CUL2: variants seen among roughly 807,000 people sequenced by gnomAD.
CUL2 encodes cullin 2, also known as cullin-2.
Under a neutral mutation model 110.2 loss-of-function variants are expected in CUL2, and 22 were observed. The ratio of observed to expected loss-of-function variants is 0.20; its 90% CI spans 0.14 to 0.28. The LOEUF (loss-of-function observed/expected upper bound fraction) is 0.28. CUL2 is among the 10% of genes least tolerant of loss of function. CUL2 has a pLI of 1.00. For synonymous variants in CUL2, 279 were observed against 293.2 expected (o/e 0.95, Z 0.49); for missense variants, 631 against 905.5 (o/e 0.70, Z 3.89).
intron 6 of CUL2, among the ~76,000 whole-genome samples, chr10:35,048,217 T>TATAC (rs1554859289): frequency 3.3e-5 from 5 of 151,698 alleles, no homozygotes; most frequent in African/African-American, 4.8e-5. Context: ...CATGCAAAAC[T>TATAC]CTAAGAGAGC....
chr10:35,116,872 G>A (rs2087611334), intron 1 of CUL2, among the ~76,000 whole-genome samples: 1 of 151,596 alleles, frequency 6.6e-6, no homozygotes, highest in Admixed American at 6.6e-5. Context: ...TGGGAGAATC[G>A]CTTAAACCTG....
chr10:35,064,790 GCCTCGGCCT>G (rs1239388949), intron 2 of CUL2, among the ~76,000 whole-genome samples: 1 of 152,000 alleles, frequency 6.6e-6, no homozygotes, highest in African/African-American at 2.4e-5. Context: ...CAATCCTTCT[GCCTCGGCCT>G]CCCAAAGTGC....
Position 35,032,514 on chromosome 10 carries a change from A to G in CUL2, c.1111-20T>C. 2 of 1,570,810 alleles carry G rather than the reference A, an allele frequency of 1.3e-6. No homozygotes were observed. Among genetic ancestry groups the G allele is most frequent in the Middle Eastern group, 1.7e-4 (1 of 5,954 alleles). On this transcript the variant is annotated intron_variant, in intron 11 of 20. Coordinates refer to ENST00000374749, the MANE Select transcript of CUL2 (RefSeq NM_003591.4). ...AAGGGCCTGAATAAAAAAACACGCC[A>G]TAATTAACCACCAGCCATAGGGAAA...
chr10:35,050,685 T>C lies in CUL2; in HGVS notation c.424-920A>G, dbSNP rs375165477. Among the ~76,000 whole-genome samples, 28 of 152,346 alleles carry C rather than the reference T, an allele frequency of 1.8e-4. No individual in the cohort carries two copies. The East Asian group carries it at 5.4e-3, about 29-fold the overall frequency. ...CAATCATTGGCACTGCTATACAGCA[T>C]CCTGTTGCATAAATATGCCATGATT... On this transcript the variant is annotated intron_variant, in intron 5 of 20. Transcript: ENST00000374749.
chr10:35,050,725 A>G (rs566746762), intron 5 of CUL2, among the ~76,000 whole-genome samples: 1 of 152,298 alleles, frequency 6.6e-6, no homozygotes, highest in African/African-American at 2.4e-5. Flanking sequence ...TTTCCACTCT[A>G]CTGCTGATGA....
intron 17 of CUL2, among the ~76,000 whole-genome samples, chr10:35,016,914 G>A (rs1257622467): frequency 4.4e-5 from 6 of 135,838 alleles, no homozygotes; most frequent in South Asian, 2.4e-4. Context: ...GTGACAGAGC[G>A]AGACTCTGTC....
At position 35,027,027 on chromosome 10, in the gene CUL2, A is replaced by C. The variant is rs201639792; in HGVS notation, c.1617+1783T>G. Among the ~76,000 whole-genome samples the C allele has an allele frequency of 5.9e-5, 9 of 152,176 alleles. No individual in the cohort carries two copies. The East Asian group carries it at 1.7e-3, about 29-fold the overall frequency. On this transcript the variant is annotated intron_variant, in intron 16 of 20. Transcript: ENST00000374749. Reference sequence around the variant, plus strand: ...TATTTTAAAATAAACAGGATAAAAAACAGCATTTTTCAAACACTGTTTAAG... The same window carrying C: ...TATTTTAAAATAAACAGGATAAAAACCAGCATTTTTCAAACACTGTTTAAG...
chr10:35,073,217 G>A (rs751129269), intron 1 of CUL2, among the ~76,000 whole-genome samples: 2 of 152,092 alleles, frequency 1.3e-5, no homozygotes, highest in African/African-American at 2.4e-5. Flanking sequence ...ACTCATTCCC[G>A]AACTATCTAT....
intron 20 of CUL2, among the ~76,000 whole-genome samples, chr10:35,011,211 A>ATTT (rs5784437): frequency 2.2e-5 from 3 of 133,718 alleles, no homozygotes; most frequent in Admixed American, 7.3e-5. Flanking sequence ...TAATTTTTTA[A>ATTT]TTTTTTTTTT....
chr10:35,037,487 G>A (rs1310698872), intron 9 of CUL2, among the ~76,000 whole-genome samples: 2 of 152,084 alleles, frequency 1.3e-5, no homozygotes, highest in African/African-American at 2.4e-5. Flanking sequence ...AGTGACTTTC[G>A]GAATTAAAAT....
upstream of CUL2, among the ~76,000 whole-genome samples, chr10:35,094,196 G>C (rs1352010093): frequency 6.6e-6 from 1 of 151,766 alleles, no homozygotes; most frequent in Non-Finnish European, 1.5e-5. Flanking sequence ...TAATACAATA[G>C]ATATAACCCA....
intron 1 of CUL2, 200 bp downstream of exon 1, chr10:35,089,979 G>A (rs1401479787): frequency 2.0e-5 from 3 of 152,370 alleles, no homozygotes; most frequent in African/African-American, 7.2e-5. Context: ...TCCAGGGGGT[G>A]GCAGGGCTTA....
chr10:35,028,935 A>C, intron 15 of CUL2, 48 bp from the exon 16 acceptor site: 1 of 1,099,234 alleles, frequency 9.1e-7, no homozygotes, highest in South Asian at 1.5e-5. Flanking sequence ...ATCAACATCT[A>C]AATTCAAAGT....
chr10:35,017,305 T>C (rs970495192), intron 17 of CUL2, among the ~76,000 whole-genome samples: 5 of 151,960 alleles, frequency 3.3e-5, no homozygotes, highest in Non-Finnish European at 7.3e-5. Context: ...TTGCTGAAAG[T>C]TGATAGCAAA....
intron 1 of CUL2, among the ~76,000 whole-genome samples, chr10:35,110,981 C>T (rs2087517201): frequency 6.6e-6 from 1 of 152,210 alleles, no homozygotes; most frequent in Non-Finnish European, 1.5e-5. Context: ...AGTTAGGATA[C>T]TACTGCAGTA....
intron 2 of CUL2, among the ~76,000 whole-genome samples, chr10:35,069,346 C>G (rs1436959966): frequency 6.6e-6 from 1 of 151,966 alleles, no homozygotes; most frequent in East Asian, 1.9e-4. Flanking sequence ...CGAGATCAGC[C>G]TGGGCAACAT....
intron 20 of CUL2, 67 bp from the exon 21 acceptor site, chr10:35,010,509 A>G (rs992464091): frequency 6.8e-7 from 1 of 1,480,184 alleles, no homozygotes; most frequent in Non-Finnish European, 9.1e-7. Flanking sequence ...ACTTTTAACC[A>G]ATCAGTTTAA....
chr10:35,044,137 T>C (rs2085874983), intron 8 of CUL2, among the ~76,000 whole-genome samples: 1 of 150,090 alleles, frequency 6.7e-6, no homozygotes, highest in Non-Finnish European at 1.5e-5. Context: ...GAGTGACTCA[T>C]CCAAATGTCT....
At position 35,071,563 on chromosome 10, in the gene CUL2, C is replaced by T. The variant is rs183800368; in HGVS notation, c.-22-224G>A. On this transcript the variant is annotated intron_variant, in intron 1 of 20. Transcript: ENST00000374749. ...GGGACTACAGGCACCCGCCACCATGCCCAGCTAATTTTTTGTATTTTTTTT... is the reference window on the plus strand; with the variant it reads ...GGGACTACAGGCACCCGCCACCATGTCCAGCTAATTTTTTGTATTTTTTTT... Among the ~76,000 whole-genome samples, 45 of 152,278 alleles carry T rather than the reference C, an allele frequency of 3.0e-4. 1 individual carries two copies. In the East Asian group the frequency reaches 5.8e-3, roughly 20 times the overall value.
Sources: gnomAD v4.1 joint callset for allele counts (sites outside exome capture counted in the v4.1 genomes callset) on GRCh38, gnomAD v4.1.1 for gene constraint, MANE v1.5 for transcripts, NCBI Gene and HGNC (gene_info 2026-07-23, HGNC 2026-07-21) for gene names.